Variants in TFDP1 observed in about 807,000 individuals in gnomAD.
TFDP1 encodes transcription factor Dp-1, also known as DRTF1-polypeptide 1.
A neutral mutation model predicts 48.0 loss-of-function variants in TFDP1; 6 were observed. That is an observed-to-expected ratio of 0.13 (90% CI 0.07 to 0.25). TFDP1 has a LOEUF of 0.25. Among genes scored for constraint, TFDP1 ranks in the 10% least tolerant of loss-of-function variants. The probability of loss-of-function intolerance (pLI) is 1.00; values close to 1 mark genes in which losing one functional copy is unlikely to be tolerated. For missense variants in TFDP1, 335 were observed against 543.0 expected (o/e 0.62, Z 3.81); for synonymous variants, 201 against 211.6 (o/e 0.95, Z 0.44).
chr13:113,635,922 A>G (rs2049474101), intron 8 of TFDP1, 55 bp from the exon 9 acceptor site: 3 of 1,580,056 alleles, frequency 1.9e-6, no homozygotes, highest in East Asian at 2.2e-5. Flanking sequence ...CCTCGAGCAC[A>G]GGGGCTGCGT....
At chr13:113,617,283 T>G (rs1187729669) in intron 3 of TFDP1, among the ~76,000 whole-genome samples, 1 of 152,210 alleles carries the variant, frequency 6.6e-6, no homozygotes, top group Non-Finnish European at 1.5e-5. Context: ...GAGAGAGCAA[T>G]GTCTCCATGG....
intron 3 of TFDP1, among the ~76,000 whole-genome samples, chr13:113,620,690 C>T (rs1594490670): frequency 1.3e-5 from 2 of 152,334 alleles, no homozygotes; most frequent in Middle Eastern, 6.8e-3. Flanking sequence ...CGAATATGTA[C>T]AATCTTTACT....
intron 2 of TFDP1, among the ~76,000 whole-genome samples, chr13:113,608,173 C>T (rs1345804796): frequency 6.6e-6 from 1 of 152,186 alleles, no homozygotes; most frequent in African/African-American, 2.4e-5. Context: ...TGGGGAGGAG[C>T]AGCCCCCACT....
At chr13:113,613,583 CAT>C (rs1255940420) in intron 3 of TFDP1, among the ~76,000 whole-genome samples, 1 of 86,042 alleles carries the variant, frequency 1.2e-5, no homozygotes, top group Non-Finnish European at 2.2e-5. Context: ...TGTGTGTGTG[CAT>C]GAGTGTGTGT....
intron 11 of TFDP1, among the ~76,000 whole-genome samples, chr13:113,638,114 T>C (rs2049542708): frequency 6.6e-6 from 1 of 152,184 alleles, no homozygotes. Context: ...TAATACATGG[T>C]GGTTTTTTTT....
rs539424435 is a variant in TFDP1 at position 113,585,754 on chromosome 13, T to C, written c.-64-20T>C. Reference sequence around the variant, plus strand: ...TACTTATTTCTTGTTTTTCCTTACTTTTTTTTTTTTTTTTACCAGAAAAAT... The same window carrying C: ...TACTTATTTCTTGTTTTTCCTTACTCTTTTTTTTTTTTTTACCAGAAAAAT... On this transcript the variant is annotated intron_variant, in intron 1 of 11. Coordinates refer to ENST00000375370, the MANE Select transcript of TFDP1 (RefSeq NM_007111.5). 6.1e-3 allele frequency: 1,974 copies of C among 323,062 alleles called. 15 individuals carry two copies. In the African/African-American group the frequency reaches 0.099, roughly 16 times the overall value. The allele number at this position is 323,062 out of a possible 1,614,324, so 20.0% of individuals were successfully genotyped here. A position where few individuals can be genotyped will look rare whatever the true frequency, so the allele number is the denominator to read the frequency against.
rs2049390736 is a variant in TFDP1, at chr13:113,633,435, G to A, written c.474+150G>A. 1.0e-6 allele frequency: 1 copy of A among 984,274 alleles called. No homozygotes were observed. The highest frequency in any genetic ancestry group is 1.5e-6 in the Non-Finnish European group (1 of 664,104). The allele number at this position is 984,274 out of a possible 1,614,324, so 61.0% of individuals were successfully genotyped here. The stretch of plus-strand genomic sequence containing the variant: ...TTTTACCAAACGAGTCAGTAAGTGT[G>A]TGCCGGGGCCGAGAGGCTGGGGTGG... On this transcript the variant is annotated intron_variant, in intron 6 of 11. Coordinates refer to ENST00000375370, the MANE Select transcript of TFDP1 (RefSeq NM_007111.5). The surrounding 1 kb of genome is among the most constrained non-coding windows in gnomAD (Gnocchi z 4.5).
Position 113,589,097 on chromosome 13 carries a change from G to C in TFDP1, c.12+3248G>C, listed in dbSNP as rs146331489. On this transcript the variant is annotated intron_variant, in intron 2 of 11. Coordinates refer to ENST00000375370, the MANE Select transcript of TFDP1 (RefSeq NM_007111.5). The stretch of plus-strand genomic sequence containing the variant: ...GGTCACAGAAGGAGGAAACAGCCTA[G>C]AAGGTGGCTGCCTTTGATGGTCCTT... Among the ~76,000 whole-genome samples, 8 of 152,266 alleles carry C rather than the reference G, an allele frequency of 5.3e-5. No homozygotes were observed. In the East Asian group the frequency reaches 1.5e-3, roughly 29 times the overall value.
Position 113,640,319 on chromosome 13 carries a change from CTT to C in TFDP1, c.*60_*61del, listed in dbSNP as rs763040462. 2.6e-6 allele frequency: 4 copies of C among 1,536,328 alleles called. No homozygotes were observed. Among genetic ancestry groups the C allele is most frequent in the Admixed American group, 2.1e-5 (1 of 48,648 alleles). ...CAGGAAAACGTTTAGCGAAAAGAAA[CTT>C]TTTTTTTAATGTGGGTTTTCTGTTT... On this transcript the variant is annotated 3_prime_UTR_variant, in exon 12 of 12. Coordinates refer to ENST00000375370, the MANE Select transcript of TFDP1 (RefSeq NM_007111.5).
At chr13:113,620,907 C>G (rs899521280) in intron 3 of TFDP1, among the ~76,000 whole-genome samples, 3 of 152,140 alleles carry the variant, frequency 2.0e-5, no homozygotes, top group African/African-American at 7.2e-5. Flanking sequence ...AATCAAAAGG[C>G]AAATGTCTTT....
chr13:113,618,209 A>G (rs2048910015), intron 3 of TFDP1, among the ~76,000 whole-genome samples: 1 of 152,106 alleles, frequency 6.6e-6, no homozygotes, highest in African/African-American at 2.4e-5. Flanking sequence ...ACTCTACTCT[A>G]CTTATATTGC....
In TFDP1 at chr13:113,623,607, G is replaced by A. The variant is rs988987612; in HGVS notation, c.186+321G>A. ...CAGCTTCCTTTTAGTGTCAGAGCTCGAAGCTCTTCATCTAACAGGGGCTTC... is the reference window on the plus strand; with the variant it reads ...CAGCTTCCTTTTAGTGTCAGAGCTCAAAGCTCTTCATCTAACAGGGGCTTC... On this transcript the variant is annotated intron_variant, in intron 4 of 11. Transcript: ENST00000375370. This position sits in a 1 kb window ranked among gnomAD's most constrained non-coding sequence, Gnocchi z 5.2. 6.6e-6 allele frequency among the ~76,000 whole-genome samples: 1 copy of A among 152,180 alleles called. No individual in the cohort carries two copies. The highest frequency in any genetic ancestry group is 2.4e-5 in the African/African-American group (1 of 41,434).
intron 3 of TFDP1, among the ~76,000 whole-genome samples, chr13:113,620,617 A>G (rs1015838602): frequency 2.0e-5 from 3 of 152,214 alleles, no homozygotes; most frequent in African/African-American, 7.2e-5. Context: ...TTGCTTTTAA[A>G]ATGCCTTTCC....
chr13:113,608,119 AGGCAGCCGCTCTTCCT>A (rs1165826615), intron 2 of TFDP1, among the ~76,000 whole-genome samples: 2 of 152,022 alleles, frequency 1.3e-5, no homozygotes. Flanking sequence ...TGGAGGCCGC[AGGCAGCCGCTCTTCCT>A]GGGGGTCTTC....
chr13:113,616,159 C>T (rs1566658196), intron 3 of TFDP1, among the ~76,000 whole-genome samples: 1 of 150,320 alleles, frequency 6.7e-6, no homozygotes, highest in Non-Finnish European at 1.5e-5. Context: ...GCTGAGATTG[C>T]TCCACTGCAC....
At chr13:113,589,346 G>A (rs1408979352) in intron 2 of TFDP1, among the ~76,000 whole-genome samples, 1 of 152,166 alleles carries the variant, frequency 6.6e-6, no homozygotes, top group Non-Finnish European at 1.5e-5. Flanking sequence ...CAGCAGGAGC[G>A]CTGGCATAGC....
rs763131359 is a variant in TFDP1 at position 113,640,318 on chromosome 13, A to G, written c.*51A>G. 14 of 1,554,484 alleles carry G rather than the reference A, an allele frequency of 9.0e-6. No individual in the cohort carries two copies. In the East Asian group the frequency reaches 3.1e-4, roughly 35 times the overall value. ...TCAGGAAAACGTTTAGCGAAAAGAAACTTTTTTTTTAATGTGGGTTTTCTG... is the reference window on the plus strand; with the variant it reads ...TCAGGAAAACGTTTAGCGAAAAGAAGCTTTTTTTTTAATGTGGGTTTTCTG... On this transcript the variant is annotated 3_prime_UTR_variant, in exon 12 of 12. Transcript: ENST00000375370.
At chr13:113,636,913 G>A (rs1763305471) in intron 10 of TFDP1, among the ~76,000 whole-genome samples, 1 of 152,210 alleles carries the variant, frequency 6.6e-6, no homozygotes, top group East Asian at 1.9e-4. Flanking sequence ...TGGATATGGG[G>A]GCCTTGAGTC....
At chr13:113,587,881 G>A (rs532113466) in intron 2 of TFDP1, among the ~76,000 whole-genome samples, 2 of 152,288 alleles carry the variant, frequency 1.3e-5, no homozygotes, top group East Asian at 1.9e-4. Context: ...TTTTTGAGAC[G>A]GAGTTTTGCT....
Sources: gnomAD v4.1 joint callset for allele counts (sites outside exome capture counted in the v4.1 genomes callset) on GRCh38, gnomAD v4.1.1 for gene constraint, Gnocchi (gnomAD v3.1) non-coding constraint, MANE v1.5 for transcripts, NCBI Gene and HGNC (gene_info 2026-07-23, HGNC 2026-07-21) for gene names.